Variants in ZMAT4 observed in about 807,000 individuals in gnomAD.
The protein encoded by ZMAT4 is zinc finger matrin-type protein 4.
ZMAT4 carries 17 observed loss-of-function variants against 28.7 expected under a neutral mutation model. The ratio of observed to expected loss-of-function variants is 0.59; its 90% CI spans 0.41 to 0.89. The LOEUF is 0.89. Ranked by LOEUF, ZMAT4 falls within the 40% of genes least tolerant of loss-of-function variation. The pLI is 0.00. For missense variants in ZMAT4, 240 were observed against 283.8 expected (o/e 0.85, Z 1.11); for synonymous variants, 117 against 109.2 (o/e 1.07, Z -0.44).
intron 3 of ZMAT4, among the ~76,000 whole-genome samples, chr8:40,765,489 C>T (rs1337859530): frequency 6.6e-6 from 1 of 152,022 alleles, no homozygotes; most frequent in African/African-American, 2.4e-5. Context: ...ATATTATGCT[C>T]AATAAATTAT....
intron 3 of ZMAT4, among the ~76,000 whole-genome samples, chr8:40,714,350 G>A (rs912801318): frequency 6.6e-6 from 1 of 152,118 alleles, no homozygotes; most frequent in African/African-American, 2.4e-5. Flanking sequence ...GTTAATAGAG[G>A]ATAATATTTG....
chr8:40,631,138 G>A (rs1233372963), intron 5 of ZMAT4, among the ~76,000 whole-genome samples: 1 of 151,964 alleles, frequency 6.6e-6, no homozygotes, highest in Admixed American at 6.6e-5. Context: ...GTGGGAGGTG[G>A]GAAGGCTTAT....
intron 5 of ZMAT4, among the ~76,000 whole-genome samples, chr8:40,644,576 C>T (rs1485166662): frequency 6.6e-6 from 1 of 151,976 alleles, no homozygotes; most frequent in Non-Finnish European, 1.5e-5. Flanking sequence ...ATATAAATGA[C>T]TGAATAAACA....
chr8:40,716,312 C>T lies in ZMAT4; in HGVS notation c.193-18911G>A, dbSNP rs556496599. 9.2e-5 allele frequency among the ~76,000 whole-genome samples: 14 copies of T among 152,256 alleles called. No individual in the cohort carries two copies. The East Asian group carries it at 2.1e-3, about 23-fold the overall frequency. On this transcript the variant is annotated intron_variant, in intron 3 of 6. Transcript: ENST00000297737. Reference sequence around the variant, plus strand: ...AAATATGGGGAGGGGATCAAGCCCTCGGAGAGAGTCAGCCCCATGCTAAAG... The same window carrying T: ...AAATATGGGGAGGGGATCAAGCCCTTGGAGAGAGTCAGCCCCATGCTAAAG...
intron 1 of ZMAT4, among the ~76,000 whole-genome samples, chr8:40,827,017 A>G (rs1278653740): frequency 6.6e-6 from 1 of 152,230 alleles, no homozygotes; most frequent in Non-Finnish European, 1.5e-5. Flanking sequence ...GCAATATGGT[A>G]GGCACTTTGG....
intron 1 of ZMAT4, among the ~76,000 whole-genome samples, chr8:40,863,708 C>T (rs1403376688): frequency 6.6e-6 from 1 of 152,018 alleles, no homozygotes; most frequent in Non-Finnish European, 1.5e-5. Flanking sequence ...CATATGAGGA[C>T]AGTCATTGAT....
chr8:40,584,613 C>G (rs1413212683), intron 5 of ZMAT4, among the ~76,000 whole-genome samples: 1 of 151,982 alleles, frequency 6.6e-6, no homozygotes, highest in Non-Finnish European at 1.5e-5. Context: ...TTTGAATGAA[C>G]TAATGGAGGA....
chr8:40,626,254 A>G (rs1484317037), intron 5 of ZMAT4, among the ~76,000 whole-genome samples: 1 of 152,142 alleles, frequency 6.6e-6, no homozygotes, highest in Non-Finnish European at 1.5e-5. Context: ...ACGAAAGAGG[A>G]GCTGCCAAGG....
At chr8:40,656,317 G>A (rs139896685) in intron 5 of ZMAT4, among the ~76,000 whole-genome samples, 170 of 152,198 alleles carry the variant, frequency 1.1e-3, no homozygotes, top group African/African-American at 3.9e-3. Flanking sequence ...AGATGTATAC[G>A]AATTGGAACA....
intron 3 of ZMAT4, among the ~76,000 whole-genome samples, chr8:40,708,625 T>A (rs1810470454): frequency 7.3e-6 from 1 of 136,964 alleles, no homozygotes; most frequent in South Asian, 2.3e-4. Flanking sequence ...GAAGCTCTGT[T>A]AAGTTAGGAA....
chr8:40,719,821 C>T (rs535704157), intron 3 of ZMAT4, among the ~76,000 whole-genome samples: 2 of 152,146 alleles, frequency 1.3e-5, no homozygotes, highest in East Asian at 1.9e-4. Flanking sequence ...TCTGCCCCCC[C>T]TCAGCCTCCC....
At chr8:40,803,480 A>T (rs981507974) in intron 2 of ZMAT4, among the ~76,000 whole-genome samples, 1 of 152,232 alleles carries the variant, frequency 6.6e-6, no homozygotes, top group Non-Finnish European at 1.5e-5. Flanking sequence ...GCAAATAAGC[A>T]TATGAAAAGA....
intron 6 of ZMAT4, among the ~76,000 whole-genome samples, chr8:40,536,822 G>T (rs1401470286): frequency 6.6e-6 from 1 of 152,024 alleles, no homozygotes; most frequent in East Asian, 1.9e-4. Context: ...GCTACAGAAG[G>T]AAACTGCTGT....
At chr8:40,758,589 G>C (rs1018624924) in intron 3 of ZMAT4, among the ~76,000 whole-genome samples, 1 of 151,944 alleles carries the variant, frequency 6.6e-6, no homozygotes, top group Admixed American at 6.6e-5. Flanking sequence ...TTCTGTCTGT[G>C]GTCTTTTCCA....
intron 2 of ZMAT4, among the ~76,000 whole-genome samples, chr8:40,814,218 A>G (rs962381035): frequency 6.6e-6 from 1 of 152,260 alleles, no homozygotes; most frequent in Non-Finnish European, 1.5e-5. Context: ...AGAAGAGCAC[A>G]CTGTTCTCAG....
At chr8:40,674,521 G>T (rs931459473) in intron 5 of ZMAT4, 183 bp downstream of exon 5, 28 of 583,912 alleles carry the variant, frequency 4.8e-5, no homozygotes, top group African/African-American at 3.4e-4. Flanking sequence ...AAACAAAGGA[G>T]ATTATAAAAA....
chr8:40,842,956 T>C lies in ZMAT4; in HGVS notation c.-4-17276A>G, dbSNP rs548747339. Among the ~76,000 whole-genome samples, 29 of 152,276 alleles carry C rather than the reference T, an allele frequency of 1.9e-4. No homozygotes were observed. In the East Asian group the frequency reaches 5.4e-3, roughly 28 times the overall value. The stretch of plus-strand genomic sequence containing the variant: ...ATGCCTGGCTAATTTTTTGTATTTT[T>C]AGTAGAGATGGGGTTTCGCCATGTT... On this transcript the variant is annotated intron_variant, in intron 1 of 6. Transcript: ENST00000297737.
intron 3 of ZMAT4, among the ~76,000 whole-genome samples, chr8:40,758,147 C>T (rs1045449595): frequency 2.0e-5 from 3 of 152,078 alleles, no homozygotes; most frequent in East Asian, 1.9e-4. Context: ...ACCTTGTGAT[C>T]GTGTGAGTCA....
At chr8:40,542,296 G>T (rs188471895) in intron 6 of ZMAT4, among the ~76,000 whole-genome samples, 1 of 152,192 alleles carries the variant, frequency 6.6e-6, no homozygotes, top group Non-Finnish European at 1.5e-5. Flanking sequence ...GGGCCACCGA[G>T]GGGTCAGGGA....
Sources: allele counts gnomAD v4.1 joint callset (sites outside exome capture counted in the v4.1 genomes callset), GRCh38; gene constraint gnomAD v4.1.1; transcripts MANE v1.5; gene names NCBI Gene and HGNC (gene_info 2026-07-23, HGNC 2026-07-21).